SH3RF3: variants seen among roughly 807,000 people sequenced by gnomAD.
SH3RF3 encodes the protein SH3 domain containing ring finger 3.
In SH3RF3, 29 loss-of-function variants were observed where a neutral mutation model predicts 66.3. That is an observed-to-expected ratio of 0.44 (90% CI 0.33 to 0.60). The LOEUF (loss-of-function observed/expected upper bound fraction) is 0.60. SH3RF3 is among the 20% of genes least tolerant of loss of function. The probability of loss-of-function intolerance (pLI) is 0.04; values close to 1 mark genes in which losing one functional copy is unlikely to be tolerated. For synonymous variants in SH3RF3, 583 were observed against 532.0 expected (o/e 1.10, Z -1.32); for missense variants, 1,194 against 1,190.9 (o/e 1.00, Z -0.04).
In SH3RF3 at chr2:109,187,560, TC is replaced by T. The variant is rs559126883; in HGVS notation, c.573+57448del. 1.0e-3 allele frequency among the ~76,000 whole-genome samples: 154 copies of T among 152,284 alleles called. 2 individuals are homozygous for T. The highest frequency in any genetic ancestry group is 3.5e-3 in the African/African-American group (146 of 41,558). ...CCATTGTGTTCCAGCTCCTAAGGTG[TC>T]TAGTACAGTCCATGCTGCACAGCTT... is the stretch of plus-strand genomic sequence containing the variant. On this transcript the variant is annotated intron_variant, in intron 1 of 9. Coordinates refer to ENST00000309415, the MANE Select transcript of SH3RF3 (RefSeq NM_001099289.3).
intron 1 of SH3RF3, among the ~76,000 whole-genome samples, chr2:109,243,249 A>T (rs1205500397): frequency 2.6e-5 from 4 of 152,236 alleles, no homozygotes; most frequent in African/African-American, 9.6e-5. Context: ...ACCCATCAGC[A>T]ACTGCCAGTC....
At chr2:109,432,693 C>T (rs1487164103) in intron 6 of SH3RF3, 22 bp downstream of exon 6, 13 of 1,602,250 alleles carry the variant, frequency 8.1e-6, no homozygotes, top group East Asian at 2.2e-5. Context: ...GTGGTGGCAG[C>T]CTGGGCAAGG....
At chr2:109,387,470 C>T (rs968027434) in intron 3 of SH3RF3, among the ~76,000 whole-genome samples, 1 of 152,172 alleles carries the variant, frequency 6.6e-6, no homozygotes, top group Admixed American at 6.5e-5. Context: ...TCTTGCTTTT[C>T]CTCAGACACT....
intron 6 of SH3RF3, 81 bp from the exon 7 acceptor site, chr2:109,436,812 G>T: frequency 6.5e-7 from 1 of 1,527,046 alleles, no homozygotes; most frequent in South Asian, 1.3e-5. Context: ...CAGCAGGTCA[G>T]AGCGAGGCTC....
At chr2:109,481,539 G>C (rs748024528) in intron 8 of SH3RF3, among the ~76,000 whole-genome samples, 7 of 152,152 alleles carry the variant, frequency 4.6e-5, no homozygotes, top group Non-Finnish European at 8.8e-5. Context: ...GAAGGCTGTA[G>C]ATGCGTAGCT....
At chr2:109,230,935 G>T (rs1223887935) in intron 1 of SH3RF3, among the ~76,000 whole-genome samples, 1 of 152,220 alleles carries the variant, frequency 6.6e-6, no homozygotes, top group Non-Finnish European at 1.5e-5. Flanking sequence ...AAACAGGAAG[G>T]CAGGATAGGT....
chr2:109,492,697 A>G lies in SH3RF3; in HGVS notation c.2480+1761A>G, dbSNP rs192288160. ...AGATCACACAGCTAGTTAGTGGCCA[A>G]GCCAGAGATTCAGCTGAGGACTTTC... On this transcript the variant is annotated intron_variant, in intron 9 of 9. Coordinates refer to ENST00000309415, the MANE Select transcript of SH3RF3 (RefSeq NM_001099289.3). 2.4e-4 allele frequency among the ~76,000 whole-genome samples: 37 copies of G among 152,278 alleles called. 2 individuals are homozygous for G. In the East Asian group the frequency reaches 7.1e-3, roughly 29 times the overall value.
intron 2 of SH3RF3, among the ~76,000 whole-genome samples, chr2:109,349,667 C>T (rs1012911083): frequency 3.3e-5 from 5 of 152,324 alleles, no homozygotes; most frequent in South Asian, 2.1e-4. Context: ...GCTGCAGAGC[C>T]GAGGCCCTCC....
chr2:109,291,611 C>T (rs549560668), intron 1 of SH3RF3, among the ~76,000 whole-genome samples: 2 of 152,192 alleles, frequency 1.3e-5, no homozygotes, highest in African/African-American at 2.4e-5. Context: ...GGCAGCTCCT[C>T]GTGGTGGGGA....
At chr2:109,318,678 G>C (rs1559021036) in intron 1 of SH3RF3, among the ~76,000 whole-genome samples, 1 of 152,142 alleles carries the variant, frequency 6.6e-6, no homozygotes, top group Non-Finnish European at 1.5e-5. Flanking sequence ...AAGCCAGAAT[G>C]GTCTCTCAGA....
intron 5 of SH3RF3, among the ~76,000 whole-genome samples, chr2:109,425,667 T>G (rs973364045): frequency 6.6e-6 from 1 of 151,556 alleles, no homozygotes; most frequent in African/African-American, 2.4e-5. Flanking sequence ...TTCCTGAATA[T>G]TGTAAGTCCA....
chr2:109,472,655 ATAAT>A (rs1678555723), intron 8 of SH3RF3, among the ~76,000 whole-genome samples: 1 of 152,180 alleles, frequency 6.6e-6, no homozygotes, highest in African/African-American at 2.4e-5. Context: ...ACCTGACTAA[ATAAT>A]AGTGTGTTTA....
intron 3 of SH3RF3, 149 bp from the exon 4 acceptor site, chr2:109,398,441 A>G: frequency 1.3e-6 from 1 of 745,730 alleles, no homozygotes; most frequent in Non-Finnish European, 2.1e-6. Flanking sequence ...ATGCCACCCC[A>G]CCAGCCTCTT....
At chr2:109,292,107 C>A (rs1356808300) in intron 1 of SH3RF3, among the ~76,000 whole-genome samples, 1 of 152,218 alleles carries the variant, frequency 6.6e-6, no homozygotes, top group Non-Finnish European at 1.5e-5. Context: ...TCGTGATCTG[C>A]CCGCCTCAGC....
chr2:109,400,267 G>A (rs187785246), intron 4 of SH3RF3, among the ~76,000 whole-genome samples: 1 of 150,624 alleles, frequency 6.6e-6, no homozygotes, highest in African/African-American at 2.4e-5. Context: ...GCACATGCCC[G>A]CCCGCACATA....
intron 9 of SH3RF3, among the ~76,000 whole-genome samples, chr2:109,492,415 C>A (rs989836774): frequency 3.9e-5 from 6 of 152,082 alleles, no homozygotes; most frequent in Non-Finnish European, 8.8e-5. Flanking sequence ...CCAGTGAGAA[C>A]GGAAGTCGCA....
Position 109,490,713 on chromosome 2 carries a change from G to A in SH3RF3, c.2257G>A (p.Asp753Asn). ...AACCCACGACCCCCAGGTGGCCGTG[G>A]ACGCCCTGCTCCAAGGTGCAGTGGG... Reference protein sequence around the residue: ...SPTHDPQVAVDALLQGAVGPE... With the variant: ...SPTHDPQVAVNALLQGAVGPE... Residue 753 changes from aspartate to asparagine, a missense_variant, in exon 9 of 10, where the codon GAC becomes AAC. Coordinates refer to ENST00000309415, the MANE Select transcript of SH3RF3 (RefSeq NM_001099289.3). 1.3e-6 allele frequency: 2 copies of A among 1,534,520 alleles called. No individual in the cohort carries two copies. Among genetic ancestry groups the A allele is most frequent in the Non-Finnish European group, 1.7e-6 (2 of 1,144,944 alleles).
Position 109,286,941 on chromosome 2 carries a change from A to T in SH3RF3, c.574-60733A>T, listed in dbSNP as rs569426449. 4.6e-5 allele frequency among the ~76,000 whole-genome samples: 7 copies of T among 152,266 alleles called. No homozygotes were observed. The East Asian group carries it at 1.4e-3, about 29-fold the overall frequency. The stretch of plus-strand genomic sequence containing the variant: ...CTGAAAAGACAGTGAGCATTTGTGG[A>T]CCCTGCCCAGGTGGTTCCGCCATCC... On this transcript the variant is annotated intron_variant, in intron 1 of 9. Coordinates refer to ENST00000309415, the MANE Select transcript of SH3RF3 (RefSeq NM_001099289.3).
At chr2:109,246,573 T>G (rs1226924497) in intron 1 of SH3RF3, among the ~76,000 whole-genome samples, 2 of 151,662 alleles carry the variant, frequency 1.3e-5, no homozygotes, top group Non-Finnish European at 1.5e-5. Flanking sequence ...GGCTGGAGAG[T>G]GTAGATGTTT....
Sources: allele counts gnomAD v4.1 joint callset (sites outside exome capture counted in the v4.1 genomes callset), GRCh38; gene constraint gnomAD v4.1.1; transcripts MANE v1.5; gene names NCBI Gene and HGNC (gene_info 2026-07-23, HGNC 2026-07-21).